Variants in DENND3 observed in about 807,000 individuals in gnomAD.
DENND3 encodes the protein DENN domain-containing protein 3.
A neutral mutation model predicts 135.1 loss-of-function variants in DENND3; 88 were observed. The ratio of observed to expected loss-of-function variants is 0.65; its 90% confidence interval spans 0.55 to 0.78. The LOEUF is 0.78. Among genes scored for constraint, DENND3 ranks in the 30% least tolerant of loss-of-function variants. The probability of loss-of-function intolerance (pLI) is 0.00; values close to 1 mark genes in which losing one functional copy is unlikely to be tolerated. For missense variants in DENND3, 1,392 were observed against 1,688.4 expected, an observed-to-expected ratio of 0.82 and a Z score of 3.08; for synonymous variants, 693 against 712.3, an observed-to-expected ratio of 0.97 and a Z score of 0.43.
intron 7 of DENND3, among the ~76,000 whole-genome samples, chr8:141,153,492 C>A (rs141468317): frequency 6.6e-6 from 1 of 152,342 alleles, no homozygotes; most frequent in African/African-American, 2.4e-5. Context: ...TCGCAGTCAC[C>A]CCCAGCCCCG....
At position 141,138,851 on chromosome 8, in the gene DENND3, A is replaced by T. The variant is rs912421717; in HGVS notation, c.501+714A>T. Among the ~76,000 whole-genome samples the T allele has an allele frequency of 6.6e-6, 1 of 152,174 alleles. No individual in the cohort carries two copies. The highest frequency in any genetic ancestry group is 2.4e-5 in the African/African-American group (1 of 41,416). ...CCCGTGGCCTTTTATGGCGAGTGAC[A>T]TTCCATCGTTTGGATGGACCACATT... On this transcript the variant is annotated intron_variant, in intron 3 of 22. Transcript: ENST00000519811. This position sits in a 1 kb window ranked among gnomAD's most constrained non-coding sequence, Gnocchi z 4.8.
chr8:141,160,624 C>T lies in DENND3; in HGVS notation c.1197-8C>T. 1 of 1,590,790 alleles carries T rather than the reference C, an allele frequency of 6.3e-7. No homozygotes were observed. Among genetic ancestry groups the T allele is most frequent in the East Asian group, 2.3e-5 (1 of 44,348 alleles). ...GGGCTGAGCTAGCTTCGGTCTGCCT[C>T]CTTCCAGGGTGCAGAGCCTCCAGCT... On this transcript the variant is annotated splice_region_variant and splice_polypyrimidine_tract_variant and intron_variant, in intron 8 of 22. Transcript: ENST00000519811.
intron 9 of DENND3, 152 bp from the exon 10 acceptor site, chr8:141,163,181 A>G (rs1820353059): frequency 3.8e-6 from 2 of 527,088 alleles, no homozygotes; most frequent in Non-Finnish European, 6.9e-6. Flanking sequence ...ATACATCCAC[A>G]TCGTATCATT....
At chr8:141,145,034 C>T (rs1817876835) in intron 5 of DENND3, among the ~76,000 whole-genome samples, 2 of 152,356 alleles carry the variant, frequency 1.3e-5, no homozygotes, top group Admixed American at 1.3e-4. Flanking sequence ...AGAATCTATT[C>T]ATGCAGCCAG....
intron 7 of DENND3, among the ~76,000 whole-genome samples, chr8:141,153,387 C>A (rs6992760): frequency 3.3e-5 from 5 of 152,306 alleles, no homozygotes; most frequent in East Asian, 1.9e-4. Context: ...AGCCACCACG[C>A]CTTGCTCCAT....
At chr8:141,142,233 G>T in intron 4 of DENND3, 1 of 390,550 alleles carries the variant, frequency 2.6e-6, no homozygotes, top group Non-Finnish European at 5.1e-6. Flanking sequence ...GGGCACTTGT[G>T]CACGGAGCCG....
At chr8:141,180,205 C>T (rs1822913399) in intron 16 of DENND3, among the ~76,000 whole-genome samples, 1 of 152,234 alleles carries the variant, frequency 6.6e-6, no homozygotes, top group Non-Finnish European at 1.5e-5. Context: ...TGAGGTGCTA[C>T]TGGCATCTCA....
At chr8:141,157,592 C>A (rs1458580338) in intron 8 of DENND3, 1 of 985,756 alleles carries the variant, frequency 1.0e-6, no homozygotes, top group Non-Finnish European at 1.2e-6. Flanking sequence ...TCAGCCATCA[C>A]CTTTCTTCTC....
rs1820940123 is a variant in DENND3 at position 141,167,330 on chromosome 8, T to A, written c.1754-674T>A. Among the ~76,000 whole-genome samples the A allele has an allele frequency of 6.6e-6, 1 of 152,258 alleles. No homozygotes were observed. The highest frequency in any genetic ancestry group is 1.5e-5 in the Non-Finnish European group (1 of 68,016). ...CCTGTGCCCACTCACCCTGGGAGCA[T>A]GCTCCGCTTTCCCTGCCCTCGGAAC... is the stretch of plus-strand genomic sequence containing the variant. On this transcript the variant is annotated intron_variant, in intron 12 of 22. Transcript: ENST00000519811. This position sits in a 1 kb window ranked among gnomAD's most constrained non-coding sequence, Gnocchi z 4.1.
At position 141,194,577 on chromosome 8, in the gene DENND3, C is replaced by T; in HGVS notation, c.*344C>T. The T allele has an allele frequency of 3.2e-6, 1 of 314,912 alleles. No homozygotes were observed. Among genetic ancestry groups the T allele is most frequent in the Non-Finnish European group, 6.1e-6 (1 of 163,646 alleles). The allele number at this position is 314,912 out of a possible 1,614,324, so 19.5% of individuals were successfully genotyped here. ...GCTGGCACTGGAGCCAGCAGCTTGG[C>T]CGAGTCACAGGTGACCCGTGGCCCT... On this transcript the variant is annotated 3_prime_UTR_variant, in exon 23 of 23. Coordinates refer to ENST00000519811, the MANE Select transcript of DENND3 (RefSeq NM_001352890.3).
Position 141,168,115 on chromosome 8 carries a change from G to A in DENND3, c.1865G>A (p.Ser622Asn), listed in dbSNP as rs777567919. The change falls in exon 13 of 23, where the codon AGC (serine) becomes AAC (asparagine). Residue 622 changes from serine to asparagine, a missense_variant. By Grantham distance (46) the Ser-to-Asn change is conservative. Transcript: ENST00000519811. The surrounding 1 kb of genome is among the most constrained non-coding windows in gnomAD (Gnocchi z 6.2). The stretch of plus-strand genomic sequence containing the variant: ...CATGCCCACTTTGTCTCCATGCTGA[G>A]CGAGGCCATGTGCTTTCTGGCCCCC... ...AYHAHFVSML[S>N]EAMCFLAPDN... The A allele has an allele frequency of 1.1e-5, 18 of 1,614,088 alleles. No individual in the cohort carries two copies. The East Asian group carries it at 3.6e-4, about 32-fold the overall frequency.
chr8:141,168,207 C>T lies in DENND3; in HGVS notation c.1957C>T (p.Leu653=). The T allele has an allele frequency of 6.2e-7, 1 of 1,614,184 alleles. No individual in the cohort carries two copies. The highest frequency in any genetic ancestry group is 8.5e-7 in the Non-Finnish European group (1 of 1,180,042). ...RGLVYLMQGQ[L]LNALLDFQNL... is the part of the protein sequence containing the mutation. Reference sequence around the variant, plus strand: ...GCTCGTTTATCTGATGCAGGGACAGCTGCTGAACGCCCTCTTGGACTTCCA... The same window carrying T: ...GCTCGTTTATCTGATGCAGGGACAGTTGCTGAACGCCCTCTTGGACTTCCA... Residue 653 remains leucine (L), a synonymous_variant, in exon 13 of 23, where the codon CTG becomes TTG. Transcript: ENST00000519811. This position sits in a 1 kb window ranked among gnomAD's most constrained non-coding sequence, Gnocchi z 6.2.
Position 141,151,787 on chromosome 8 carries a change from A to G in DENND3, c.1024A>G (p.Thr342Ala). The G allele has an allele frequency of 6.2e-7, 1 of 1,614,206 alleles. No homozygotes were observed. The highest frequency in any genetic ancestry group is 8.5e-7 in the Non-Finnish European group (1 of 1,180,040). ...DQMLDFVMAP[T>A]SFLMGCHLDH... ...GATGCTGGATTTCGTCATGGCCCCC[A>G]CGTCCTTCCTGATGGGCTGCCATCT... The change falls in exon 7 of 23, where the codon ACG becomes GCG. Residue 342 changes from threonine to alanine, a missense_variant. Coordinates refer to ENST00000519811, the MANE Select transcript of DENND3 (RefSeq NM_001352890.3).
chr8:141,151,725 A>T lies in DENND3; in HGVS notation c.962A>T (p.Gln321Leu). 4 of 1,614,192 alleles carry T rather than the reference A, an allele frequency of 2.5e-6. No individual in the cohort carries two copies. The highest frequency in any genetic ancestry group is 1.7e-6 in the Non-Finnish European group (2 of 1,180,044). Residue 321 changes from glutamine to leucine, a missense_variant, in exon 7 of 23, where the codon CAG (glutamine) becomes CTG (leucine). Coordinates refer to ENST00000519811, the MANE Select transcript of DENND3 (RefSeq NM_001352890.3). ...TTCATGGCCTACCTGTATCCGCTGC[A>T]GTGGCAGCACCCCTTCGTGCCCATC... ...ECFMAYLYPL[Q>L]WQHPFVPILS...
chr8:141,191,023 G>C (rs1824675128), intron 20 of DENND3, among the ~76,000 whole-genome samples: 1 of 152,266 alleles, frequency 6.6e-6, no homozygotes, highest in South Asian at 2.1e-4. Flanking sequence ...TGACGGCTGG[G>C]AATATGTTTT....
At chr8:141,153,092 C>CTTTTTT (rs35650187) in intron 7 of DENND3, among the ~76,000 whole-genome samples, 1 of 119,374 alleles carries the variant, frequency 8.4e-6, no homozygotes, top group Non-Finnish European at 1.7e-5. Flanking sequence ...CAATATCTTT[C>CTTTTTT]TTTTTTTTTT....
At chr8:141,140,660 T>C (rs1226568322) in intron 3 of DENND3, among the ~76,000 whole-genome samples, 6 of 152,248 alleles carry the variant, frequency 3.9e-5, no homozygotes, top group Non-Finnish European at 5.9e-5. Flanking sequence ...GTTCTCACAC[T>C]GAAGCTATCA....
intron 18 of DENND3, among the ~76,000 whole-genome samples, chr8:141,188,150 G>GGGAGGC (rs1569557019): frequency 6.6e-6 from 1 of 152,206 alleles, no homozygotes; most frequent in Admixed American, 6.5e-5. Flanking sequence ...CGCTTGAGCC[G>GGGAGGC]GGAGGCTGAG....
rs1337299068 is a variant in DENND3, at chr8:141,188,995, G to T, written c.3094G>T (p.Val1032Leu). The T allele has an allele frequency of 3.1e-6, 5 of 1,613,830 alleles. No homozygotes were observed. In the South Asian group the frequency reaches 5.5e-5, roughly 18 times the overall value. The change falls in exon 19 of 23, where the codon GTG (valine) becomes TTG (leucine). Residue 1032 changes from valine to leucine, a missense_variant. By Grantham distance (32) the Val-to-Leu change is conservative. Coordinates refer to ENST00000519811, the MANE Select transcript of DENND3 (RefSeq NM_001352890.3). Reference protein sequence around the residue: ...KVGTAKVNCMVMADQNQVWVG... With the variant: ...KVGTAKVNCMLMADQNQVWVG... ...CGTGGCCTCCTGTTAGAACTGCATGGTGATGGCCGACCAGAACCAGGTGTG... is the reference window on the plus strand; with the variant it reads ...CGTGGCCTCCTGTTAGAACTGCATGTTGATGGCCGACCAGAACCAGGTGTG...
Sources: allele counts gnomAD v4.1 joint callset (sites outside exome capture counted in the v4.1 genomes callset), GRCh38; gene constraint gnomAD v4.1.1; non-coding constraint Gnocchi (gnomAD v3.1); transcripts MANE v1.5; gene names NCBI Gene and HGNC (gene_info 2026-07-23, HGNC 2026-07-21).